Variants in SLC1A1 observed in about 807,000 individuals in gnomAD.
SLC1A1 encodes excitatory amino acid transporter 3.
A neutral mutation model predicts 53.3 loss-of-function variants in SLC1A1; 43 were observed. The ratio of observed to expected loss-of-function variants is 0.81; its 90% CI spans 0.63 to 1.04. The LOEUF (loss-of-function observed/expected upper bound fraction) is 1.04, where lower values mean the gene tolerates loss of function less well. Among genes scored for constraint, SLC1A1 ranks in the 50% least tolerant of loss-of-function variants. The pLI is 0.00. For missense variants in SLC1A1, 748 were observed against 664.9 expected, an observed-to-expected ratio of 1.12 and a Z score of -1.37; for synonymous variants, 307 against 243.2, an observed-to-expected ratio of 1.26 and a Z score of -2.44.
chr9:4,540,853 C>G (rs1187828362), intron 1 of SLC1A1, among the ~76,000 whole-genome samples: 1 of 152,202 alleles, frequency 6.6e-6, no homozygotes, highest in African/African-American at 2.4e-5. Context: ...CATCAAGGCT[C>G]AGAGGTGATT....
intron 1 of SLC1A1, among the ~76,000 whole-genome samples, chr9:4,501,977 G>T (rs569012779): frequency 6.6e-6 from 1 of 151,674 alleles, no homozygotes; most frequent in Non-Finnish European, 1.5e-5. Context: ...AAACTACAGA[G>T]AGCCTAATCT....
chr9:4,504,480 A>G (rs1409038405), intron 1 of SLC1A1, among the ~76,000 whole-genome samples: 1 of 152,238 alleles, frequency 6.6e-6, no homozygotes, highest in African/African-American at 2.4e-5. Context: ...AAAGAGTCGG[A>G]AAATAAGTTT....
At chr9:4,534,734 G>C (rs1816608951) in intron 1 of SLC1A1, among the ~76,000 whole-genome samples, 1 of 151,966 alleles carries the variant, frequency 6.6e-6, no homozygotes, top group South Asian at 2.1e-4. Flanking sequence ...TGCTACCAAA[G>C]CCTGGCAGAG....
Position 4,566,175 on chromosome 9 carries a change from T to C in SLC1A1, c.483+86T>C, listed in dbSNP as rs1819469290. On this transcript the variant is annotated intron_variant, in intron 5 of 11. Coordinates refer to ENST00000262352, the MANE Select transcript of SLC1A1 (RefSeq NM_004170.6). ...TTTTTTTCTGCTGTGACTCAAGAAA[T>C]GGAATTAGCCCCGTGAAAATGGCAG... is the stretch of plus-strand genomic sequence containing the variant. 6.8e-6 allele frequency: 8 copies of C among 1,184,758 alleles called. No individual in the cohort carries two copies. In the South Asian group the frequency reaches 7.3e-5, roughly 11 times the overall value. The allele number at this position is 1,184,758 out of a possible 1,614,324, so 73.4% of individuals were successfully genotyped here.
intron 1 of SLC1A1, among the ~76,000 whole-genome samples, chr9:4,537,557 C>G (rs1816720910): frequency 2.7e-5 from 1 of 36,460 alleles, no homozygotes; most frequent in African/African-American, 1.1e-4. Context: ...CAGAGCGAGA[C>G]TCCGTCTCAA....
chr9:4,501,977 G>A lies in SLC1A1; in HGVS notation c.91+11207G>A, dbSNP rs569012779. ...TCACCAGAAATGCCTAAACTACAGAGAGCCTAATCTCTGAGCCTCTCCCCA... is the reference window on the plus strand; with the variant it reads ...TCACCAGAAATGCCTAAACTACAGAAAGCCTAATCTCTGAGCCTCTCCCCA... On this transcript the variant is annotated intron_variant, in intron 1 of 11. Coordinates refer to ENST00000262352, the MANE Select transcript of SLC1A1 (RefSeq NM_004170.6). 4.6e-5 allele frequency among the ~76,000 whole-genome samples: 7 copies of A among 151,794 alleles called. No homozygotes were observed. In the East Asian group the frequency reaches 9.7e-4, roughly 21 times the overall value.
In SLC1A1 at chr9:4,576,044, A is replaced by G. The variant is rs777812555; in HGVS notation, c.919A>G (p.Ile307Val). The G allele has an allele frequency of 1.2e-5, 19 of 1,613,542 alleles. No individual in the cohort carries two copies. Among genetic ancestry groups the G allele is most frequent in the Non-Finnish European group, 1.5e-5 (18 of 1,179,520 alleles). Residue 307 changes from isoleucine to valine, a missense_variant, in exon 9 of 12, where the codon ATA (isoleucine) becomes GTA (valine). Coordinates refer to ENST00000262352, the MANE Select transcript of SLC1A1 (RefSeq NM_004170.6). The part of the protein sequence containing the change: ...SIVILPLIYF[I>V]VVRKNPFRFA... Reference sequence around the variant, plus strand: ...TGTAATTCTCCCGCTGATATATTTCATAGTCGTACGAAAGAACCCTTTCCG... The same window carrying G: ...TGTAATTCTCCCGCTGATATATTTCGTAGTCGTACGAAAGAACCCTTTCCG...
intron 1 of SLC1A1, among the ~76,000 whole-genome samples, chr9:4,492,526 C>T (rs1004038672): frequency 6.0e-5 from 9 of 151,112 alleles, no homozygotes; most frequent in Non-Finnish European, 1.0e-4. Flanking sequence ...GGGCCAGGCA[C>T]GGTGACTCAC....
chr9:4,537,568 AAAAAT>A lies in SLC1A1; in HGVS notation c.92-6969_92-6965del, dbSNP rs1323198206. On this transcript the variant is annotated intron_variant, in intron 1 of 11. Transcript: ENST00000262352. The stretch of plus-strand genomic sequence containing the variant: ...GCGACAGAGCGAGACTCCGTCTCAA[AAAAAT>A]AAAATAAAATAAAATAAAATAAAAT... Among the ~76,000 whole-genome samples, 3 of 142,284 alleles carry A rather than the reference AAAAAT, an allele frequency of 2.1e-5. 1 individual carries two copies. The highest frequency in any genetic ancestry group is 5.3e-5 in the African/African-American group (2 of 37,610). The allele number at this position is 142,284 out of a possible 152,430, so 93.3% of individuals were successfully genotyped here.
At chr9:4,500,927 G>C (rs563965432) in intron 1 of SLC1A1, among the ~76,000 whole-genome samples, 18 of 152,234 alleles carry the variant, frequency 1.2e-4, no homozygotes, top group African/African-American at 4.3e-4. Context: ...CCTCGGCTAT[G>C]TGAGCTCCGG....
At chr9:4,520,640 A>C (rs1481904864) in intron 1 of SLC1A1, among the ~76,000 whole-genome samples, 1 of 152,210 alleles carries the variant, frequency 6.6e-6, no homozygotes, top group Non-Finnish European at 1.5e-5. Flanking sequence ...TTGGATAGAG[A>C]TACAATATTT....
intron 1 of SLC1A1, among the ~76,000 whole-genome samples, chr9:4,515,624 G>A (rs1564002172): frequency 1.2e-5 from 1 of 80,568 alleles, no homozygotes; most frequent in African/African-American, 5.1e-5. Flanking sequence ...AATGTCAAAG[G>A]TGGAGAGATG....
chr9:4,559,629 C>T (rs1470931791), intron 2 of SLC1A1, among the ~76,000 whole-genome samples: 1 of 152,190 alleles, frequency 6.6e-6, no homozygotes, highest in African/African-American at 2.4e-5. Flanking sequence ...AGGTTTACTG[C>T]CTTTCCCTTG....
chr9:4,576,210 C>G (rs898790880), intron 9 of SLC1A1, 87 bp downstream of exon 9: 1 of 1,364,058 alleles, frequency 7.3e-7, no homozygotes, highest in East Asian at 2.3e-5. Context: ...CTCCAGCTTG[C>G]GGTTTTTGTA....
rs568302878 is a variant in SLC1A1 at position 4,583,074 on chromosome 9, C to T, written c.1230C>T (p.Gly410=). The part of the protein sequence containing the change: ...TATSASIGAA[G]VPQAGLVTMV... ...CATCTGCCAGCATCGGAGCTGCTGG[C>T]GTGCCCCAGGCTGGCCTGGTGACCA... is the stretch of plus-strand genomic sequence containing the variant. The change falls in exon 11 of 12, where the codon GGC becomes GGT. Residue 410 remains glycine (G), a synonymous_variant. Transcript: ENST00000262352. This position sits in a 1 kb window ranked among gnomAD's most constrained non-coding sequence, Gnocchi z 4.6. The T allele has an allele frequency of 6.2e-6, 10 of 1,614,096 alleles. No individual in the cohort carries two copies. In the East Asian group the frequency reaches 8.9e-5, roughly 14 times the overall value.
Position 4,547,089 on chromosome 9 carries a change from A to T in SLC1A1, c.232+2382A>T, listed in dbSNP as rs76207572. Among the ~76,000 whole-genome samples, 793 of 152,338 alleles carry T rather than the reference A, an allele frequency of 5.2e-3. 6 individuals carry two copies. Among genetic ancestry groups the T allele is most frequent in the African/African-American group, 0.019 (772 of 41,582 alleles). On this transcript the variant is annotated intron_variant, in intron 2 of 11. Coordinates refer to ENST00000262352, the MANE Select transcript of SLC1A1 (RefSeq NM_004170.6). ...AATTCTGTAATATCAGATGTTTGAA[A>T]ATACATGCCACTCTTGACAGTCAAT...
chr9:4,491,020 A>G (rs1820216017), intron 1 of SLC1A1, among the ~76,000 whole-genome samples: 1 of 152,096 alleles, frequency 6.6e-6, no homozygotes, highest in Non-Finnish European at 1.5e-5. Flanking sequence ...CTCTACCCAA[A>G]ATGATCAAAG....
At chr9:4,538,002 G>T (rs1816741878) in intron 1 of SLC1A1, among the ~76,000 whole-genome samples, 1 of 152,122 alleles carries the variant, frequency 6.6e-6, no homozygotes, top group African/African-American at 2.4e-5. Flanking sequence ...AATACAGATT[G>T]TAAATAATTT....
At chr9:4,518,527 T>G (rs1317915259) in intron 1 of SLC1A1, among the ~76,000 whole-genome samples, 2 of 152,152 alleles carry the variant, frequency 1.3e-5, no homozygotes, top group African/African-American at 4.8e-5. Context: ...CCACTGCGCC[T>G]GGCCTACAGT....
Sources: allele counts gnomAD v4.1 joint callset (sites outside exome capture counted in the v4.1 genomes callset), GRCh38; gene constraint gnomAD v4.1.1; non-coding constraint Gnocchi (gnomAD v3.1); transcripts MANE v1.5; gene names NCBI Gene and HGNC (gene_info 2026-07-23, HGNC 2026-07-21).